Variants in SCN8A observed in about 807,000 individuals in gnomAD.
SCN8A encodes the protein sodium channel protein type 8 subunit alpha.
SCN8A carries 30 observed loss-of-function variants against 184.1 expected under a neutral mutation model. The ratio of observed to expected loss-of-function variants is 0.16; its 90% CI spans 0.12 to 0.22. The LOEUF (loss-of-function observed/expected upper bound fraction) is 0.22, where lower values mean the gene tolerates loss of function less well. SCN8A is among the 10% of genes least tolerant of loss of function. The probability of loss-of-function intolerance (pLI) is 1.00; values close to 1 mark genes in which losing one functional copy is unlikely to be tolerated. For missense variants in SCN8A, 1,057 were observed against 2,498.9 expected (o/e 0.42, Z 12.30); for synonymous variants, 852 against 907.0 (o/e 0.94, Z 1.09).
intron 2 of SCN8A, among the ~76,000 whole-genome samples, chr12:51,670,423 C>G (rs1446996294): frequency 6.6e-6 from 1 of 152,106 alleles, no homozygotes; most frequent in African/African-American, 2.4e-5. Flanking sequence ...GCAGTATAGA[C>G]CATTTCTGTA....
chr12:51,685,016 A>G (rs1941397015), intron 3 of SCN8A, among the ~76,000 whole-genome samples: 1 of 152,200 alleles, frequency 6.6e-6, no homozygotes, highest in Admixed American at 6.5e-5. Context: ...TTCGAAGATT[A>G]CTGTATCCTC....
chr12:51,681,232 T>C (rs773255580), intron 2 of SCN8A, among the ~76,000 whole-genome samples: 8 of 152,154 alleles, frequency 5.3e-5, no homozygotes, highest in Non-Finnish European at 1.2e-4. Flanking sequence ...CTTTGCCACG[T>C]TGCCACTGAA....
intron 21 of SCN8A, among the ~76,000 whole-genome samples, chr12:51,785,636 T>C (rs1350305924): frequency 6.6e-6 from 1 of 152,166 alleles, no homozygotes; most frequent in Non-Finnish European, 1.5e-5. Context: ...ACCCAGAAAC[T>C]TTGATTCCTA....
At chr12:51,754,445 A>G (rs532857288) in intron 14 of SCN8A, among the ~76,000 whole-genome samples, 150 of 152,110 alleles carry the variant, frequency 9.9e-4, no homozygotes, top group African/African-American at 3.4e-3. Flanking sequence ...AACTGTCAAA[A>G]CCAGGAAATT....
intron 26 of SCN8A, among the ~76,000 whole-genome samples, chr12:51,796,756 G>A (rs1406242466): frequency 6.6e-6 from 1 of 152,178 alleles, no homozygotes; most frequent in East Asian, 1.9e-4. Context: ...CTGGCCAAAG[G>A]CCAGAGAGCC....
At chr12:51,730,811 A>G (rs542169036) in intron 12 of SCN8A, among the ~76,000 whole-genome samples, 7 of 152,296 alleles carry the variant, frequency 4.6e-5, no homozygotes, top group African/African-American at 1.4e-4. Flanking sequence ...TTACTTTCTA[A>G]CAATTTTTTT....
rs547056846 is a variant in SCN8A, at chr12:51,744,519, G to A, written c.1999-1384G>A. ...CAGGGAAATCGGTTTTTTTTTTCCT[G>A]TATTTCTTCTGTAGCTTTGCCAAAC... On this transcript the variant is annotated intron_variant, in intron 12 of 26. Transcript: ENST00000627620. Among the ~76,000 whole-genome samples the A allele has an allele frequency of 2.0e-5, 3 of 150,516 alleles. No individual in the cohort carries two copies. The East Asian group carries it at 5.9e-4, about 29-fold the overall frequency.
intron 21 of SCN8A, among the ~76,000 whole-genome samples, chr12:51,782,607 C>G (rs1305723548): frequency 6.6e-6 from 1 of 152,216 alleles, no homozygotes; most frequent in Non-Finnish European, 1.5e-5. Flanking sequence ...CCCCATCCCC[C>G]TACAAAAGAA....
At chr12:51,679,338 C>G (rs925843120) in intron 2 of SCN8A, among the ~76,000 whole-genome samples, 15 of 152,164 alleles carry the variant, frequency 9.9e-5, no homozygotes, top group African/African-American at 3.6e-4. Context: ...TAGTGTATCC[C>G]CTGGGGCAGA....
At chr12:51,673,325 G>A (rs905375390) in intron 2 of SCN8A, among the ~76,000 whole-genome samples, 1 of 152,166 alleles carries the variant, frequency 6.6e-6, no homozygotes, top group African/African-American at 2.4e-5. Context: ...ATCATCTTAT[G>A]TCAGGGATTG....
chr12:51,786,959 G>A (rs1411065759), intron 22 of SCN8A, 133 bp downstream of exon 22: 3 of 898,648 alleles, frequency 3.3e-6, no homozygotes, highest in South Asian at 1.7e-5. Flanking sequence ...AAACAGTATT[G>A]TTCCCCAAAC....
intron 26 of SCN8A, among the ~76,000 whole-genome samples, chr12:51,800,265 A>G (rs755550129): frequency 5.9e-5 from 9 of 152,252 alleles, no homozygotes; most frequent in African/African-American, 1.2e-4. Flanking sequence ...TGCTCAAGCA[A>G]TGAAACCGCA....
intron 8 of SCN8A, among the ~76,000 whole-genome samples, chr12:51,701,975 G>A (rs1023114613): frequency 1.3e-5 from 2 of 152,146 alleles, no homozygotes; most frequent in Non-Finnish European, 2.9e-5. Context: ...TGAGGTAACT[G>A]AAATCCCCCC....
chr12:51,706,099 T>C (rs939488144), intron 10 of SCN8A, among the ~76,000 whole-genome samples: 4 of 152,226 alleles, frequency 2.6e-5, no homozygotes, highest in Non-Finnish European at 5.9e-5. Context: ...ATTTATACAT[T>C]TTTAGGACCC....
At chr12:51,633,420 A>T (rs4761986) in intron 1 of SCN8A, among the ~76,000 whole-genome samples, 131,463 of 152,290 alleles carry the variant, frequency 0.86, 56,961 homozygotes, top group East Asian at 0.99. Context: ...TAGTTTCTGT[A>T]TGCTCAAAGT....
chr12:51,670,064 A>G (rs1016465025), intron 2 of SCN8A, among the ~76,000 whole-genome samples: 2 of 152,238 alleles, frequency 1.3e-5, no homozygotes, highest in African/African-American at 2.4e-5. Flanking sequence ...AGGAAACAAA[A>G]TGATGTTTCA....
chr12:51,697,956 G>A (rs1320183566), intron 6 of SCN8A, among the ~76,000 whole-genome samples: 1 of 152,156 alleles, frequency 6.6e-6, no homozygotes. Context: ...GGGTTCAAGT[G>A]GTTCTCCCAC....
chr12:51,701,696 A>AAATT (rs1475083054), intron 8 of SCN8A, among the ~76,000 whole-genome samples: 1 of 152,178 alleles, frequency 6.6e-6, no homozygotes, highest in Non-Finnish European at 1.5e-5. Context: ...TTTCATCCAT[A>AAATT]AAATGGATTT....
chr12:51,720,017 A>G (rs1183020419), intron 11 of SCN8A, among the ~76,000 whole-genome samples: 1 of 140,022 alleles, frequency 7.1e-6, no homozygotes, highest in East Asian at 2.3e-4. Flanking sequence ...CGGAGCTTGC[A>G]GTGAGCCGAG....
Sources: gnomAD v4.1 joint callset for allele counts (sites outside exome capture counted in the v4.1 genomes callset) on GRCh38, gnomAD v4.1.1 for gene constraint, MANE v1.5 for transcripts, NCBI Gene and HGNC (gene_info 2026-07-23, HGNC 2026-07-21) for gene names.